Variants in MED14 observed in about 807,000 individuals in gnomAD.
MED14 encodes the protein mediator of RNA polymerase II transcription subunit 14.
In MED14, 8 loss-of-function variants were observed where a neutral mutation model predicts 109.0. That is an observed-to-expected ratio of 0.07 (90% confidence interval 0.04 to 0.13). The LOEUF is 0.13. Among genes scored for constraint, MED14 ranks in the 10% least tolerant of loss-of-function variants. The pLI is 1.00. For missense variants in MED14, 711 were observed against 1,142.4 expected, an observed-to-expected ratio of 0.62 and a Z score of 5.44; for synonymous variants, 399 against 408.7, an observed-to-expected ratio of 0.98 and a Z score of 0.29.
intron 26 of MED14, among the ~76,000 whole-genome samples, chrX:40,661,166 C>T (rs959502713): frequency 2.1e-4 from 24 of 112,756 alleles, no homozygotes; most frequent in African/African-American, 7.4e-4. Context: ...ACTGCAACCT[C>T]TGCCTCCCGG....
rs1230082385 is a variant in MED14 at position 40,718,930 on chromosome X, A to C, written c.349-4220T>G. On this transcript the variant is annotated intron_variant, in intron 3 of 30. Transcript: ENST00000324817. ...GTCTTAGTTCACAAAGAACTAATCC[A>C]TGTTATTTTTAGGTATTCACACACC... 2.7e-5 allele frequency among the ~76,000 whole-genome samples: 3 copies of C among 112,156 alleles called. No homozygotes were observed. In the Admixed American group the frequency reaches 2.8e-4, roughly 11 times the overall value.
chrX:40,722,591 A>G (rs1476564073), intron 3 of MED14, among the ~76,000 whole-genome samples: 1 of 111,661 alleles, frequency 9.0e-6, no homozygotes, highest in Non-Finnish European at 1.9e-5. Context: ...CCAAACCTAG[A>G]GAAAGATACC....
intron 13 of MED14, among the ~76,000 whole-genome samples, chrX:40,693,542 C>A (rs1390012964): frequency 9.0e-6 from 1 of 111,621 alleles, no homozygotes; most frequent in Non-Finnish European, 1.9e-5. Context: ...TCCAATTAAA[C>A]CTCTTTCTTT....
rs113576503 is a variant in MED14, at chrX:40,695,958, C to A, written c.1650+1066G>T. On this transcript the variant is annotated intron_variant, in intron 13 of 30. Transcript: ENST00000324817. ...AAAATTTTTATTTTATTTTTATAAG[C>A]GACGAGGTCTCACTATATTGCTTAA... 8.3e-3 allele frequency among the ~76,000 whole-genome samples: 924 copies of A among 110,909 alleles called. 12 individuals carry two copies. The highest frequency in any genetic ancestry group is 0.029 in the African/African-American group (882 of 30,540).
At chrX:40,665,311 T>C (rs138950998) in intron 24 of MED14, among the ~76,000 whole-genome samples, 1,381 of 111,018 alleles carry the variant, frequency 0.012, 21 homozygotes, top group African/African-American at 0.043. Context: ...ATTGCTTGAG[T>C]CCAGGAGTTC....
At chrX:40,662,697 C>T (rs1929333109) in intron 26 of MED14, among the ~76,000 whole-genome samples, 1 of 111,847 alleles carries the variant, frequency 8.9e-6, no homozygotes, top group Non-Finnish European at 1.9e-5. Context: ...ACATAGAAGC[C>T]ACAGCACAGC....
chrX:40,735,390 T>C lies in MED14; in HGVS notation c.23A>G (p.Asn8Ser), dbSNP rs1029348532. The C allele has an allele frequency of 3.5e-5, 38 of 1,078,348 alleles. No individual in the cohort carries two copies. The highest frequency in any genetic ancestry group is 4.4e-5 in the Non-Finnish European group (37 of 834,320). 88.9% of individuals were successfully genotyped at this position (1,078,348 alleles called of 1,213,427 possible). A position where few individuals can be genotyped will look rare whatever the true frequency, so the allele number is the denominator to read the frequency against. The change falls in exon 1 of 31, where the codon AAC becomes AGC. Residue 8 changes from asparagine to serine, a missense_variant. Asn to Ser is a conservative substitution (Grantham distance 46). Around this residue, in one of 8 missense-constraint regions of MED14, gnomAD observed 62 missense variants for 55.2 expected, o/e 1.12. Transcript: ENST00000324817. ...GCCTCCGGGCGGGACCAGCTGGTGG[T>C]TCTCCAGCTGCACTGGGGCCATGGC... MAPVQLENHQLVPPGGGG... is the reference protein window; with the variant it reads MAPVQLESHQLVPPGGGG...
At chrX:40,652,631 T>C (rs1299771099) in intron 30 of MED14, among the ~76,000 whole-genome samples, 1 of 110,590 alleles carries the variant, frequency 9.0e-6, no homozygotes, top group Non-Finnish European at 1.9e-5. Flanking sequence ...AAGTGATGGG[T>C]GTGGGAGGTG....
At position 40,712,298 on chromosome X, in the gene MED14, C is replaced by T; in HGVS notation, c.782-5G>A. 6 of 1,180,067 alleles carry T rather than the reference C, an allele frequency of 5.1e-6. No individual in the cohort carries two copies. The highest frequency in any genetic ancestry group is 6.9e-6 in the Non-Finnish European group (6 of 872,360). ...TATGAACCAAAGCTCGCCCATCTTC[C>T]GTTGGCAGAAGAAAAGAAAGCAGTT... On this transcript the variant is annotated splice_region_variant and splice_polypyrimidine_tract_variant and intron_variant, in intron 6 of 30. Transcript: ENST00000324817.
Position 40,735,383 on chromosome X carries a change from C to A in MED14, c.30G>T (p.Gln10His), listed in dbSNP as rs1158186368. 3.7e-6 allele frequency: 4 copies of A among 1,076,000 alleles called. No individual in the cohort carries two copies. Among genetic ancestry groups the A allele is most frequent in the Non-Finnish European group, 4.8e-6 (4 of 833,317 alleles). The allele number at this position is 1,076,000 out of a possible 1,213,427, so 88.7% of individuals were successfully genotyped here. A position where few individuals can be genotyped will look rare whatever the true frequency, so the allele number is the denominator to read the frequency against. ...CGCCGCCGCCTCCGGGCGGGACCAG[C>A]TGGTGGTTCTCCAGCTGCACTGGGG... MAPVQLENH[Q>H]LVPPGGGGGG... Residue 10 changes from glutamine (Q) to histidine (H), a missense_variant, in exon 1 of 31, where the codon CAG (glutamine) becomes CAT (histidine). This residue lies in a region of MED14 where 62 missense variants were observed against 55.2 expected (regional missense o/e 1.12). Transcript: ENST00000324817.
At chrX:40,662,567 C>T (rs7471682) in intron 26 of MED14, among the ~76,000 whole-genome samples, 66,580 of 109,443 alleles carry the variant, frequency 0.61, 17,101 homozygotes, top group Non-Finnish European at 0.81. Flanking sequence ...TCAGCCTCCC[C>T]GCACGGGCAC....
Position 40,735,422 on chromosome X carries a change from G to A in MED14, c.-10C>T, listed in dbSNP as rs1387986919. ...GCTGCACTGGGGCCATGGCGGCGCAGGACCGGGCTTGGCGCAACGGCACAC... is the reference window on the plus strand; with the variant it reads ...GCTGCACTGGGGCCATGGCGGCGCAAGACCGGGCTTGGCGCAACGGCACAC... On this transcript the variant is annotated 5_prime_UTR_variant, in exon 1 of 31. Transcript: ENST00000324817. 4.5e-6 allele frequency: 5 copies of A among 1,118,908 alleles called. No homozygotes were observed. Among genetic ancestry groups the A allele is most frequent in the South Asian group, 4.3e-5 (2 of 46,998 alleles). 92.2% of individuals were successfully genotyped at this position (1,118,908 alleles called of 1,213,427 possible). A position where few individuals can be genotyped will look rare whatever the true frequency, so the allele number is the denominator to read the frequency against.
chrX:40,672,291 T>A (rs1569282668), intron 22 of MED14, among the ~76,000 whole-genome samples: 1 of 112,507 alleles, frequency 8.9e-6, no homozygotes, highest in Non-Finnish European at 1.9e-5. Context: ...TACCATTTCA[T>A]TGATTCTAAG....
chrX:40,729,170 G>A (rs1931994832), intron 2 of MED14, 149 bp downstream of exon 2: 1 of 481,368 alleles, frequency 2.1e-6, no homozygotes, highest in Non-Finnish European at 3.5e-6. Context: ...CATTTCCCAG[G>A]ACTCCCTAAA....
intron 1 of MED14, among the ~76,000 whole-genome samples, chrX:40,730,856 G>T (rs1237253129): frequency 3.0e-5 from 3 of 99,020 alleles, no homozygotes; most frequent in African/African-American, 1.1e-4. Flanking sequence ...GGGGCGGGGG[G>T]GTCAGGTACG....
chrX:40,721,140 G>T (rs1931703150), intron 3 of MED14, among the ~76,000 whole-genome samples: 2 of 111,510 alleles, frequency 1.8e-5, no homozygotes, highest in South Asian at 7.4e-4. Context: ...ACTTTGTTTT[G>T]CACCTTAGGT....
chrX:40,696,920 C>T (rs1462444739), intron 13 of MED14, 104 bp downstream of exon 13: 1 of 763,908 alleles, frequency 1.3e-6, no homozygotes, highest in Non-Finnish European at 1.9e-6. Flanking sequence ...ATACCAAAGT[C>T]AAATATTCAA....
chrX:40,683,968 T>C (rs935516200), intron 16 of MED14, among the ~76,000 whole-genome samples: 4 of 112,005 alleles, frequency 3.6e-5, no homozygotes, highest in Non-Finnish European at 7.5e-5. Flanking sequence ...ATTTTAGCTA[T>C]TCATGAGTTA....
chrX:40,726,222 G>C (rs1931889586), intron 3 of MED14, among the ~76,000 whole-genome samples: 1 of 111,162 alleles, frequency 9.0e-6, no homozygotes, highest in African/African-American at 3.3e-5. Flanking sequence ...CCTTATTGAA[G>C]ATTCCATCCT....
Sources: gnomAD v4.1 joint callset for allele counts (sites outside exome capture counted in the v4.1 genomes callset) on GRCh38, gnomAD v4.1.1 for gene constraint, gnomAD v4.1.1 regional missense constraint, MANE v1.5 for transcripts, NCBI Gene and HGNC (gene_info 2026-07-23, HGNC 2026-07-21) for gene names.